The following PTPRD variants were observed in gnomAD, a reference collection of about 807,000 sequenced individuals.
PTPRD encodes protein tyrosine phosphatase receptor type D.
In PTPRD, 34 loss-of-function variants were observed where a neutral mutation model predicts 214.5. The observed-to-expected ratio is 0.16, with a 90% CI of 0.12 to 0.21. PTPRD has a LOEUF of 0.21. Ranked by LOEUF, PTPRD falls within the 10% of genes least tolerant of loss-of-function variation. PTPRD has a pLI of 1.00. For missense variants in PTPRD, 2,545 were observed against 2,398.7 expected, an observed-to-expected ratio of 1.06 and a Z score of -1.27; for synonymous variants, 1,128 against 845.7, an observed-to-expected ratio of 1.33 and a Z score of -5.79.
At chr9:10,391,493 G>C (rs2098064708) in intron 2 of PTPRD, among the ~76,000 whole-genome samples, 1 of 151,738 alleles carries the variant, frequency 6.6e-6, no homozygotes, top group African/African-American at 2.4e-5. Flanking sequence ...TACTAGGGCA[G>C]TTCCTGTCTG....
intron 10 of PTPRD, among the ~76,000 whole-genome samples, chr9:9,166,139 ATTTTTTT>A (rs5896304): frequency 1.4e-5 from 2 of 140,992 alleles, no homozygotes; most frequent in East Asian, 2.1e-4. Flanking sequence ...TCTGGGTTTG[ATTTTTTT>A]TTTTTTTTTT....
chr9:8,853,854 T>C (rs1308996540), intron 11 of PTPRD, among the ~76,000 whole-genome samples: 2 of 152,130 alleles, frequency 1.3e-5, no homozygotes, highest in African/African-American at 2.4e-5. Context: ...TCCTAAAAGA[T>C]ATTTTCAAAG....
intron 2 of PTPRD, among the ~76,000 whole-genome samples, chr9:10,393,707 A>AAT (rs890394137): frequency 2.0e-5 from 3 of 147,234 alleles, no homozygotes; most frequent in East Asian, 2.0e-4. Context: ...TAATATATAT[A>AAT]ATATATATAT....
intron 4 of PTPRD, among the ~76,000 whole-genome samples, chr9:9,952,428 T>G (rs2093540435): frequency 6.6e-6 from 1 of 152,150 alleles, no homozygotes; most frequent in Non-Finnish European, 1.5e-5. Context: ...GGGCAAGATG[T>G]AGGTATAACA....
chr9:10,479,358 A>T (rs1201431846), intron 2 of PTPRD, among the ~76,000 whole-genome samples: 1 of 152,096 alleles, frequency 6.6e-6, no homozygotes, highest in Non-Finnish European at 1.5e-5. Flanking sequence ...AGGTGGAAAA[A>T]AACAAAGGGA....
intron 3 of PTPRD, among the ~76,000 whole-genome samples, chr9:10,092,906 C>T (rs1423922277): frequency 6.6e-6 from 1 of 151,240 alleles, no homozygotes; most frequent in Non-Finnish European, 1.5e-5. Flanking sequence ...CATATACAGA[C>T]GAATGAAACT....
rs151001359 is a variant in PTPRD at position 9,999,880 on chromosome 9, G to C, written c.-472+33838C>G. Among the ~76,000 whole-genome samples, 1,460 of 152,276 alleles carry C rather than the reference G, an allele frequency of 9.6e-3. 10 individuals carry two copies. The highest frequency in any genetic ancestry group is 0.024 in the Middle Eastern group (7 of 294). On this transcript the variant is annotated intron_variant, in intron 4 of 45. Transcript: ENST00000381196. ...TTATAGAGAAAGAGATTTTATATAA[G>C]GAAGGATCTTGTTTGGTAAATTCTT...
At chr9:9,713,802 T>C (rs889492398) in intron 7 of PTPRD, among the ~76,000 whole-genome samples, 2 of 152,166 alleles carry the variant, frequency 1.3e-5, no homozygotes, top group African/African-American at 4.8e-5. Flanking sequence ...AATAAAATTA[T>C]GGCCACTTGT....
chr9:9,706,535 G>A (rs1321380642), intron 7 of PTPRD, among the ~76,000 whole-genome samples: 5 of 151,938 alleles, frequency 3.3e-5, no homozygotes, highest in South Asian at 2.1e-4. Context: ...CACCTCCTGG[G>A]TTCAAGCAAT....
chr9:9,058,442 G>GTTTTTTTTTTT (rs777910266), intron 10 of PTPRD, among the ~76,000 whole-genome samples: 9,374 of 69,702 alleles, frequency 0.13, 3,182 homozygotes, highest in Non-Finnish European at 0.19. Flanking sequence ...TATTATGAGG[G>GTTTTTTTTTTT]TTTTTTTTTT....
chr9:8,496,981 C>G (rs550556266), intron 26 of PTPRD, among the ~76,000 whole-genome samples: 9 of 152,196 alleles, frequency 5.9e-5, no homozygotes, highest in Non-Finnish European at 1.2e-4. Flanking sequence ...CTCTGACTGT[C>G]ACAAGGCAGA....
intron 11 of PTPRD, among the ~76,000 whole-genome samples, chr9:8,775,262 C>T (rs899100056): frequency 6.6e-6 from 1 of 152,104 alleles, no homozygotes. Context: ...TCTGTTTAAG[C>T]TTTGTTTACT....
chr9:8,947,187 G>C (rs2099070805), intron 11 of PTPRD, among the ~76,000 whole-genome samples: 1 of 151,126 alleles, frequency 6.6e-6, no homozygotes, highest in African/African-American at 2.4e-5. Flanking sequence ...TGGTAGGTTG[G>C]GCGTGGTGGC....
intron 45 of PTPRD, among the ~76,000 whole-genome samples, chr9:8,318,658 C>A (rs1824058337): frequency 1.3e-5 from 2 of 151,886 alleles, no homozygotes; most frequent in Admixed American, 6.6e-5. Flanking sequence ...CTGCCCACAT[C>A]AAAAAATACC....
At chr9:9,531,405 T>C (rs950418331) in intron 8 of PTPRD, among the ~76,000 whole-genome samples, 6 of 152,140 alleles carry the variant, frequency 3.9e-5, no homozygotes, top group African/African-American at 1.4e-4. Flanking sequence ...CTCTTGTGTA[T>C]AAGTGATTTT....
chr9:8,537,587 G>A (rs528124079), intron 14 of PTPRD, among the ~76,000 whole-genome samples: 1 of 152,086 alleles, frequency 6.6e-6, no homozygotes, highest in East Asian at 1.9e-4. Context: ...AGTCTCGAAA[G>A]ATTTCTCATA....
intron 2 of PTPRD, among the ~76,000 whole-genome samples, chr9:10,586,901 C>T (rs2074068783): frequency 1.3e-5 from 2 of 151,518 alleles, no homozygotes; most frequent in Admixed American, 6.6e-5. Context: ...AGTATTTAAT[C>T]AACACACTTT....
chr9:8,663,887 A>G (rs529300300), intron 12 of PTPRD, among the ~76,000 whole-genome samples: 2 of 141,444 alleles, frequency 1.4e-5, no homozygotes, highest in East Asian at 2.0e-4. Context: ...TTAAGTCTTC[A>G]AAGTGCATTA....
intron 4 of PTPRD, among the ~76,000 whole-genome samples, chr9:9,953,859 G>A (rs560839932): frequency 1.3e-5 from 2 of 152,234 alleles, no homozygotes; most frequent in South Asian, 4.1e-4. Flanking sequence ...AGAAGAAATT[G>A]TTTGGCATAC....
Sources: gnomAD v4.1 joint callset for allele counts (sites outside exome capture counted in the v4.1 genomes callset) on GRCh38, gnomAD v4.1.1 for gene constraint, MANE v1.5 for transcripts, NCBI Gene and HGNC (gene_info 2026-07-23, HGNC 2026-07-21) for gene names.